FSTL5: variants seen among roughly 807,000 people sequenced by gnomAD.
FSTL5 encodes follistatin like 5.
In FSTL5, 62 loss-of-function variants were observed where a neutral mutation model predicts 89.1. That is an observed-to-expected ratio of 0.70 (90% CI 0.57 to 0.86). FSTL5 has a LOEUF of 0.86. Among genes scored for constraint, FSTL5 ranks in the 40% least tolerant of loss-of-function variants. The pLI, the probability that FSTL5 is intolerant of heterozygous loss-of-function variation, is 0.00. For synonymous variants in FSTL5, 383 were observed against 346.2 expected, an observed-to-expected ratio of 1.11 and a Z score of -1.18; for missense variants, 1,057 against 1,001.6, an observed-to-expected ratio of 1.06 and a Z score of -0.75.
At chr4:161,847,572 T>A (rs1262132337) in intron 4 of FSTL5, among the ~76,000 whole-genome samples, 1 of 152,208 alleles carries the variant, frequency 6.6e-6, no homozygotes, top group Non-Finnish European at 1.5e-5. Context: ...AGTTGTTTTT[T>A]CAAAGGGCAA....
At position 161,811,918 on chromosome 4, in the gene FSTL5, C is replaced by T. The variant is rs569208112; in HGVS notation, c.410-35844G>A. On this transcript the variant is annotated intron_variant, in intron 4 of 15. Coordinates refer to ENST00000306100, the MANE Select transcript of FSTL5 (RefSeq NM_020116.5). Reference sequence around the variant, plus strand: ...AATACATATAGAATGTTCCGAGGATCGCTATTCCCAAAATGACTTTTACTA... The same window carrying T: ...AATACATATAGAATGTTCCGAGGATTGCTATTCCCAAAATGACTTTTACTA... Among the ~76,000 whole-genome samples, 141 of 152,192 alleles carry T rather than the reference C, an allele frequency of 9.3e-4. 1 individual carries two copies. Among genetic ancestry groups the T allele is most frequent in the African/African-American group, 3.0e-3 (123 of 41,530 alleles).
intron 2 of FSTL5, among the ~76,000 whole-genome samples, chr4:162,106,369 C>G (rs967439821): frequency 6.6e-6 from 1 of 152,160 alleles, no homozygotes; most frequent in African/African-American, 2.4e-5. Context: ...GATCTTCCCT[C>G]AAGCCTGACT....
At chr4:161,856,743 T>C (rs1311641390) in intron 4 of FSTL5, among the ~76,000 whole-genome samples, 1 of 151,838 alleles carries the variant, frequency 6.6e-6, no homozygotes, top group Non-Finnish European at 1.5e-5. Context: ...CATATAGTAA[T>C]AAACATCATA....
intron 3 of FSTL5, among the ~76,000 whole-genome samples, chr4:162,018,061 G>T (rs773245525): frequency 6.6e-6 from 1 of 152,032 alleles, no homozygotes; most frequent in Non-Finnish European, 1.5e-5. Flanking sequence ...CCCTCCTCTG[G>T]GTCTTGCTCC....
rs568537255 is a variant in FSTL5 at position 161,664,540 on chromosome 4, C to T, written c.728-8046G>A. 2.3e-4 allele frequency among the ~76,000 whole-genome samples: 35 copies of T among 152,246 alleles called. 1 individual carries two copies. In the South Asian group the frequency reaches 7.1e-3, roughly 31 times the overall value. ...CCATCTGAGACCACCTCAGCCTGGA[C>T]GTTATTGTTCATATCACCATCAGCA... On this transcript the variant is annotated intron_variant, in intron 6 of 15. Transcript: ENST00000306100.
chr4:162,026,981 TA>T (rs1205559349), intron 3 of FSTL5, among the ~76,000 whole-genome samples: 1 of 152,150 alleles, frequency 6.6e-6, no homozygotes, highest in African/African-American at 2.4e-5. Context: ...TTATTGGTGG[TA>T]ACCTTTTGAA....
intron 7 of FSTL5, among the ~76,000 whole-genome samples, chr4:161,601,293 T>A (rs1201840725): frequency 7.9e-6 from 1 of 126,664 alleles, no homozygotes; most frequent in African/African-American, 3.1e-5. Context: ...CTTACCTGCA[T>A]CCTTTCCCCT....
At chr4:161,631,350 G>C (rs764733166) in intron 7 of FSTL5, among the ~76,000 whole-genome samples, 12 of 152,102 alleles carry the variant, frequency 7.9e-5, no homozygotes, top group Non-Finnish European at 1.8e-4. Flanking sequence ...GGCCCGGCAC[G>C]GTCATGCCTG....
At chr4:162,090,109 C>G (rs981823219) in intron 2 of FSTL5, among the ~76,000 whole-genome samples, 1 of 152,076 alleles carries the variant, frequency 6.6e-6, no homozygotes, top group African/African-American at 2.4e-5. Flanking sequence ...GGATTAAATA[C>G]TTAAATGTAA....
intron 4 of FSTL5, among the ~76,000 whole-genome samples, chr4:161,908,525 T>G (rs1185576642): frequency 6.6e-6 from 1 of 152,056 alleles, no homozygotes; most frequent in Non-Finnish European, 1.5e-5. Flanking sequence ...TCATCTATGT[T>G]TCTCAATTTT....
chr4:162,139,179 C>G (rs1732631203), intron 1 of FSTL5, among the ~76,000 whole-genome samples: 1 of 151,952 alleles, frequency 6.6e-6, no homozygotes, highest in South Asian at 2.1e-4. Flanking sequence ...GTGTACCCAT[C>G]AGAAAAAGAA....
chr4:161,426,656 A>C (rs1732176824), intron 15 of FSTL5, among the ~76,000 whole-genome samples: 1 of 152,144 alleles, frequency 6.6e-6, no homozygotes, highest in African/African-American at 2.4e-5. Context: ...GCAGTGGCAC[A>C]GTCTGGCTCA....
At chr4:161,782,054 G>A (rs1741691138) in intron 4 of FSTL5, among the ~76,000 whole-genome samples, 1 of 152,052 alleles carries the variant, frequency 6.6e-6, no homozygotes, top group South Asian at 2.1e-4. Flanking sequence ...TTTCCAGCAT[G>A]TCTTTTCATG....
At chr4:161,759,967 T>A (rs577035942) in intron 5 of FSTL5, among the ~76,000 whole-genome samples, 1 of 152,294 alleles carries the variant, frequency 6.6e-6, no homozygotes, top group East Asian at 1.9e-4. Context: ...CCAACTTTCT[T>A]CCTCATATGA....
chr4:162,046,131 C>G (rs1214281618), intron 2 of FSTL5, among the ~76,000 whole-genome samples: 3 of 152,120 alleles, frequency 2.0e-5, no homozygotes, highest in Non-Finnish European at 4.4e-5. Flanking sequence ...ACTATTGGAA[C>G]ACGGGTTTTT....
At chr4:161,601,937 T>C (rs752003351) in intron 7 of FSTL5, among the ~76,000 whole-genome samples, 4 of 151,720 alleles carry the variant, frequency 2.6e-5, no homozygotes, top group Admixed American at 6.6e-5. Flanking sequence ...ACACATAAAA[T>C]AGAAAGAAAA....
At chr4:161,779,789 A>ATGTATATATATATG (rs1553965259) in intron 4 of FSTL5, among the ~76,000 whole-genome samples, 1 of 51,076 alleles carries the variant, frequency 2.0e-5, no homozygotes, top group Admixed American at 2.3e-4. Context: ...ATATATATAT[A>ATGTATATATATATG]TATATATATA....
At chr4:161,579,747 AAGAAAAAGAAAAAAAG>A (rs1560963566) in intron 8 of FSTL5, among the ~76,000 whole-genome samples, 1 of 144,648 alleles carries the variant, frequency 6.9e-6, no homozygotes, top group Non-Finnish European at 1.5e-5. Context: ...AAAAAAAAGA[AAGAAAAAGAAAAAAAG>A]AAAAAAAAAT....
chr4:161,858,316 A>C (rs1270707385), intron 4 of FSTL5, among the ~76,000 whole-genome samples: 4 of 152,180 alleles, frequency 2.6e-5, no homozygotes, highest in African/African-American at 7.2e-5. Context: ...CACCCAGGCT[A>C]TGGTATTTTG....
Sources: allele counts gnomAD v4.1 joint callset (sites outside exome capture counted in the v4.1 genomes callset), GRCh38; gene constraint gnomAD v4.1.1; transcripts MANE v1.5; gene names NCBI Gene and HGNC (gene_info 2026-07-23, HGNC 2026-07-21).